Variants in SLC35F4 observed in about 807,000 individuals in gnomAD.
SLC35F4 encodes the protein chromosome 14 open reading frame 36.
SLC35F4 carries 24 observed loss-of-function variants against 44.2 expected under a neutral mutation model. The ratio of observed to expected loss-of-function variants is 0.54; its 90% CI spans 0.39 to 0.76. The LOEUF (loss-of-function observed/expected upper bound fraction) is 0.76, where lower values mean the gene tolerates loss of function less well. Among genes scored for constraint, SLC35F4 ranks in the 30% least tolerant of loss-of-function variants. The pLI is 0.00. For synonymous variants in SLC35F4, 238 were observed against 223.6 expected, an observed-to-expected ratio of 1.06 and a Z score of -0.57; for missense variants, 562 against 586.1, an observed-to-expected ratio of 0.96 and a Z score of 0.42.
chr14:57,591,018 A>G (rs2070142186), intron 2 of SLC35F4, among the ~76,000 whole-genome samples: 1 of 152,238 alleles, frequency 6.6e-6, no homozygotes, highest in Admixed American at 6.5e-5. Flanking sequence ...CCAAGTAACT[A>G]TGAACACAGC....
intron 1 of SLC35F4, among the ~76,000 whole-genome samples, chr14:57,726,980 T>A (rs546048706): frequency 6.6e-6 from 1 of 152,164 alleles, no homozygotes; most frequent in South Asian, 2.1e-4. Flanking sequence ...TCTCCCGTGC[T>A]GGATGCTTCC....
chr14:57,771,873 T>C (rs35844370), intron 1 of SLC35F4, among the ~76,000 whole-genome samples: 24,845 of 152,240 alleles, frequency 0.16, 2,251 homozygotes, highest in Admixed American at 0.27. Context: ...GGATTGCAGG[T>C]ATAAGCCACT....
intron 1 of SLC35F4, among the ~76,000 whole-genome samples, chr14:57,654,064 A>G (rs1038276279): frequency 1.3e-5 from 2 of 152,072 alleles, no homozygotes; most frequent in African/African-American, 2.4e-5. Flanking sequence ...TTTTCCCTTT[A>G]TAACGACACC....
At chr14:57,614,881 G>A (rs189685180) in intron 1 of SLC35F4, among the ~76,000 whole-genome samples, 1 of 152,332 alleles carries the variant, frequency 6.6e-6, no homozygotes, top group Non-Finnish European at 1.5e-5. Flanking sequence ...AGAAAGCTGT[G>A]TGACCTTGGG....
chr14:57,655,528 C>T (rs2073939199), intron 1 of SLC35F4, among the ~76,000 whole-genome samples: 1 of 152,122 alleles, frequency 6.6e-6, no homozygotes, highest in Non-Finnish European at 1.5e-5. Flanking sequence ...ACAGTTAGAG[C>T]TGCAGCAGGG....
At chr14:57,584,692 T>C (rs1156511578) in intron 3 of SLC35F4, among the ~76,000 whole-genome samples, 1 of 152,198 alleles carries the variant, frequency 6.6e-6, no homozygotes, top group African/African-American at 2.4e-5. Flanking sequence ...TAGTCTGACA[T>C]GAGAGATGTG....
chr14:57,845,335 C>A (rs1054383943), intron 1 of SLC35F4, among the ~76,000 whole-genome samples: 11 of 152,208 alleles, frequency 7.2e-5, no homozygotes, highest in Non-Finnish European at 1.6e-4. Context: ...TTTTTCATCT[C>A]TAACATGGTA....
chr14:57,608,783 TGGCCGGGGGGGGGC>T (rs1173843728), intron 1 of SLC35F4, among the ~76,000 whole-genome samples: 6 of 17,528 alleles, frequency 3.4e-4, no homozygotes, highest in South Asian at 2.4e-3. Context: ...GCCCAAAAGA[TGGCCGGGGGGGGGC>T]GGCGGGGGGA....
upstream of SLC35F4, among the ~76,000 whole-genome samples, chr14:57,867,330 C>T (rs1440732646): frequency 6.6e-6 from 1 of 151,974 alleles, no homozygotes; most frequent in East Asian, 1.9e-4. Flanking sequence ...CATATGAAAA[C>T]GCAATATTAA....
At chr14:57,630,322 C>T (rs780690794) in intron 1 of SLC35F4, 69 of 579,956 alleles carry the variant, frequency 1.2e-4, no homozygotes, top group Middle Eastern at 5.4e-4. Context: ...TATAGAAGGT[C>T]GTATAGTCCT....
chr14:57,635,114 C>T (rs909085930), intron 1 of SLC35F4, among the ~76,000 whole-genome samples: 1 of 151,866 alleles, frequency 6.6e-6, no homozygotes, highest in African/African-American at 2.4e-5. Flanking sequence ...GGTGTGATGG[C>T]ATGCACCTAT....
intron 1 of SLC35F4, among the ~76,000 whole-genome samples, chr14:57,661,479 CT>C (rs1221289186): frequency 6.6e-6 from 1 of 152,176 alleles, no homozygotes; most frequent in African/African-American, 2.4e-5. Context: ...CTACTTCCAT[CT>C]TTTATAAACC....
chr14:57,690,012 C>T (rs2075183045), intron 1 of SLC35F4, among the ~76,000 whole-genome samples: 1 of 152,082 alleles, frequency 6.6e-6, no homozygotes, highest in African/African-American at 2.4e-5. Flanking sequence ...CTTTCTGCCA[C>T]CTCTAAATCT....
intron 1 of SLC35F4, among the ~76,000 whole-genome samples, chr14:57,905,208 G>C (rs1194392541): frequency 6.6e-6 from 1 of 152,174 alleles, no homozygotes; most frequent in Non-Finnish European, 1.5e-5. Flanking sequence ...GTTGGTGCTG[G>C]CTGTCGGCAG....
intron 1 of SLC35F4, among the ~76,000 whole-genome samples, chr14:57,887,651 T>C (rs536693245): frequency 6.6e-6 from 1 of 152,132 alleles, no homozygotes; most frequent in Non-Finnish European, 1.5e-5. Context: ...TGGGTCCCTT[T>C]TCTCTCCTGC....
At chr14:57,875,714 G>C (rs973157679) in intron 1 of SLC35F4, among the ~76,000 whole-genome samples, 8 of 152,216 alleles carry the variant, frequency 5.3e-5, no homozygotes, top group African/African-American at 1.9e-4. Context: ...CCTAGACTCA[G>C]AACTTGCTTC....
chr14:57,584,966 T>G (rs1394201482), intron 3 of SLC35F4, among the ~76,000 whole-genome samples: 2 of 152,206 alleles, frequency 1.3e-5, no homozygotes, highest in Non-Finnish European at 2.9e-5. Context: ...AAATACTGTT[T>G]AAAAATTTTA....
chr14:57,642,381 C>T (rs2073288802), intron 1 of SLC35F4, among the ~76,000 whole-genome samples: 1 of 151,866 alleles, frequency 6.6e-6, no homozygotes, highest in Non-Finnish European at 1.5e-5. Context: ...TTTTGCTTTT[C>T]CACAACATTA....
At chr14:57,729,092 C>T (rs1324884671) in intron 1 of SLC35F4, among the ~76,000 whole-genome samples, 1 of 152,104 alleles carries the variant, frequency 6.6e-6, no homozygotes, top group African/African-American at 2.4e-5. Context: ...TTTCTTTATC[C>T]TCAGCCTTTA....
Sources: allele counts gnomAD v4.1 joint callset (sites outside exome capture counted in the v4.1 genomes callset), GRCh38; gene constraint gnomAD v4.1.1; transcripts MANE v1.5; gene names NCBI Gene and HGNC (gene_info 2026-07-23, HGNC 2026-07-21).